IGF1R: variants seen among roughly 807,000 people sequenced by gnomAD.
IGF1R encodes insulin-like growth factor 1 receptor.
Under a neutral mutation model 144.6 loss-of-function variants are expected in IGF1R, and 44 were observed. The observed-to-expected ratio is 0.30, with a 90% CI of 0.24 to 0.39. The LOEUF (loss-of-function observed/expected upper bound fraction) is 0.39, where lower values mean the gene tolerates loss of function less well. Among genes scored for constraint, IGF1R ranks in the 10% least tolerant of loss-of-function variants. The probability of loss-of-function intolerance (pLI) is 1.00; values close to 1 mark genes in which losing one functional copy is unlikely to be tolerated. For synonymous variants in IGF1R, 795 were observed against 722.8 expected (o/e 1.10, Z -1.60); for missense variants, 1,355 against 1,833.7 (o/e 0.74, Z 4.77).
rs201186834 is a variant in IGF1R at position 98,662,453 on chromosome 15, GGGGAGT to G, written c.94+12787_94+12792del. Reference sequence around the variant, plus strand: ...CAAGGTCATGTCCCTATCTGTGGAAGGGGAGTGGGAGTGGAAGGTGAGTGGTGACAG... The same window carrying G: ...CAAGGTCATGTCCCTATCTGTGGAAGGGGAGTGGAAGGTGAGTGGTGACAG... On this transcript the variant is annotated intron_variant, in intron 1 of 20. Coordinates refer to ENST00000650285, the MANE Select transcript of IGF1R (RefSeq NM_000875.5). 5.8e-3 allele frequency among the ~76,000 whole-genome samples: 882 copies of G among 152,284 alleles called. 18 individuals are homozygous for G. The highest frequency in any genetic ancestry group is 0.038 in the Admixed American group (588 of 15,292).
At chr15:98,667,949 G>T (rs796511683) in intron 1 of IGF1R, among the ~76,000 whole-genome samples, 1 of 152,062 alleles carries the variant, frequency 6.6e-6, no homozygotes, top group Admixed American at 6.5e-5. Context: ...TCTCTTACGG[G>T]GCTGTATGGA....
chr15:98,861,147 C>T (rs1314997624), intron 2 of IGF1R, among the ~76,000 whole-genome samples: 5 of 151,770 alleles, frequency 3.3e-5, no homozygotes, highest in African/African-American at 9.7e-5. Flanking sequence ...TTACCCACAT[C>T]GAAGCCCAAC....
chr15:98,931,500 C>T lies in IGF1R; in HGVS notation c.2956+1195C>T, dbSNP rs1022210205. 2.0e-5 allele frequency among the ~76,000 whole-genome samples: 3 copies of T among 152,112 alleles called. No individual in the cohort carries two copies. The East Asian group carries it at 5.8e-4, about 29-fold the overall frequency. ...TTATAGTAAAGTCAATCAAAAGCAG[C>T]CTCCTCTGAATGGGAATCAGGTGCA... is the stretch of plus-strand genomic sequence containing the variant. On this transcript the variant is annotated intron_variant, in intron 15 of 20. Transcript: ENST00000650285.
At chr15:98,781,167 C>T (rs961956236) in intron 2 of IGF1R, among the ~76,000 whole-genome samples, 1 of 152,138 alleles carries the variant, frequency 6.6e-6, no homozygotes, top group African/African-American at 2.4e-5. Context: ...GCCATTTTCT[C>T]TAGGTGAGAA....
At chr15:98,743,735 A>G (rs1381268881) in intron 2 of IGF1R, among the ~76,000 whole-genome samples, 1 of 152,212 alleles carries the variant, frequency 6.6e-6, no homozygotes, top group Non-Finnish European at 1.5e-5. Context: ...TAAAAAATTC[A>G]TCCTGGCCAC....
At chr15:98,779,107 T>C (rs542829691) in intron 2 of IGF1R, among the ~76,000 whole-genome samples, 144 of 152,348 alleles carry the variant, frequency 9.5e-4, no homozygotes, top group Non-Finnish European at 1.8e-3. Flanking sequence ...TGGTACGAAG[T>C]AGTAACATCA....
Position 98,704,240 on chromosome 15 carries a change from A to G in IGF1R, c.95-3322A>G, listed in dbSNP as rs1596209504. On this transcript the variant is annotated intron_variant, in intron 1 of 20. Transcript: ENST00000650285. This position sits in a 1 kb window ranked among gnomAD's most constrained non-coding sequence, Gnocchi z 4.9. The stretch of plus-strand genomic sequence containing the variant: ...ACTTTTTAGAGAAGCGAGAAGAGAA[A>G]TGAGAGGTAGGGGAGGGAGGGAGGA... 6.6e-6 allele frequency among the ~76,000 whole-genome samples: 1 copy of G among 152,080 alleles called. No individual in the cohort carries two copies. Among genetic ancestry groups the G allele is most frequent in the East Asian group, 1.9e-4 (1 of 5,192 alleles).
chr15:98,914,154 A>G (rs554525038), intron 8 of IGF1R, among the ~76,000 whole-genome samples: 21 of 152,308 alleles, frequency 1.4e-4, no homozygotes, highest in Admixed American at 1.3e-3. Context: ...GGCCTCTCAT[A>G]GAAGGGCCTG....
intron 2 of IGF1R, among the ~76,000 whole-genome samples, chr15:98,785,103 G>T (rs1306030185): frequency 6.6e-6 from 1 of 152,184 alleles, no homozygotes; most frequent in Admixed American, 6.5e-5. Context: ...GTAATTTTAT[G>T]ATTACAATTT....
At chr15:98,670,995 A>G (rs190262242) in intron 1 of IGF1R, among the ~76,000 whole-genome samples, 1 of 152,266 alleles carries the variant, frequency 6.6e-6, no homozygotes, top group Admixed American at 6.5e-5. Flanking sequence ...GAGTTGTCAT[A>G]TTTGGAAGGA....
At chr15:98,709,580 A>G (rs184398242) in intron 2 of IGF1R, among the ~76,000 whole-genome samples, 25 of 152,384 alleles carry the variant, frequency 1.6e-4, no homozygotes, top group African/African-American at 5.3e-4. Flanking sequence ...TATTTTTTAA[A>G]TAACCTTGAC....
At chr15:98,731,998 G>A (rs1158415028) in intron 2 of IGF1R, among the ~76,000 whole-genome samples, 2 of 152,166 alleles carry the variant, frequency 1.3e-5, no homozygotes, top group South Asian at 2.1e-4. Context: ...GGTGTTGGGC[G>A]TGCAGCATTC....
rs1870799149 is a variant in IGF1R, at chr15:98,899,297, A to G, written c.1103-180A>G. 2.6e-5 allele frequency among the ~76,000 whole-genome samples: 4 copies of G among 152,136 alleles called. No homozygotes were observed. In the South Asian group the frequency reaches 8.3e-4, roughly 31 times the overall value. On this transcript the variant is annotated intron_variant, in intron 4 of 20. Coordinates refer to ENST00000650285, the MANE Select transcript of IGF1R (RefSeq NM_000875.5). ...CCTGCCTGGGAGGCCTCGTTCCAGG[A>G]GTCGTTGTTGAGAGTCAAGCCAGGG...
intron 2 of IGF1R, among the ~76,000 whole-genome samples, chr15:98,809,840 AGTCACGTTCCACGTATTG>A (rs1212386870): frequency 6.6e-6 from 1 of 152,142 alleles, no homozygotes; most frequent in Non-Finnish European, 1.5e-5. Flanking sequence ...TAGTTGCTAA[AGTCACGTTCCACGTATTG>A]TGTTCTGATG....
intron 2 of IGF1R, among the ~76,000 whole-genome samples, chr15:98,781,130 G>A (rs866724767): frequency 6.6e-6 from 1 of 152,064 alleles, no homozygotes; most frequent in Admixed American, 6.6e-5. Flanking sequence ...TCAAAATAAA[G>A]AAAAAGAGAT....
chr15:98,685,241 G>A (rs1221567414), intron 1 of IGF1R, among the ~76,000 whole-genome samples: 21 of 152,208 alleles, frequency 1.4e-4, no homozygotes, highest in East Asian at 3.9e-4. Flanking sequence ...CACCATGCCC[G>A]GCTGGAACTG....
At chr15:98,664,682 C>T (rs1360466189) in intron 1 of IGF1R, among the ~76,000 whole-genome samples, 2 of 128,722 alleles carry the variant, frequency 1.6e-5, no homozygotes, top group African/African-American at 7.6e-5. Flanking sequence ...GAGAGTGAGA[C>T]TCCATGTCAA....
rs2052251624 is a variant in IGF1R at position 98,648,683 on chromosome 15, G to A, written c.-899G>A. Among the ~76,000 whole-genome samples, 1 of 146,982 alleles carries A rather than the reference G, an allele frequency of 6.8e-6. No individual in the cohort carries two copies. Among genetic ancestry groups the A allele is most frequent in the Non-Finnish European group, 1.5e-5 (1 of 65,974 alleles). On this transcript the variant is annotated 5_prime_UTR_variant, in exon 1 of 21. Coordinates refer to ENST00000650285, the MANE Select transcript of IGF1R (RefSeq NM_000875.5). Reference sequence around the variant, plus strand: ...ACTCGAGAGAGGCGGGAGAGCGAGAGGGACGCCGCCAGCGAGCCTGCCCAC... The same window carrying A: ...ACTCGAGAGAGGCGGGAGAGCGAGAAGGACGCCGCCAGCGAGCCTGCCCAC...
At chr15:98,676,460 C>T (rs1030610295) in intron 1 of IGF1R, among the ~76,000 whole-genome samples, 1 of 152,120 alleles carries the variant, frequency 6.6e-6, no homozygotes. Flanking sequence ...AAGCTGTCTT[C>T]TCCCACTGAT....
Sources: allele counts gnomAD v4.1 joint callset (sites outside exome capture counted in the v4.1 genomes callset), GRCh38; gene constraint gnomAD v4.1.1; non-coding constraint Gnocchi (gnomAD v3.1); transcripts MANE v1.5; gene names NCBI Gene and HGNC (gene_info 2026-07-23, HGNC 2026-07-21).